Variants in RWDD1 observed in about 807,000 individuals in gnomAD.
RWDD1 encodes the protein RWD domain containing 1.
A neutral mutation model predicts 31.6 loss-of-function variants in RWDD1; 17 were observed. The ratio of observed to expected loss-of-function variants is 0.54; its 90% confidence interval spans 0.37 to 0.81. The LOEUF is 0.81. Ranked by LOEUF, RWDD1 falls within the 30% of genes least tolerant of loss-of-function variation. RWDD1 has a pLI of 0.00. For missense variants in RWDD1, 204 were observed against 274.5 expected (o/e 0.74, Z 1.82); for synonymous variants, 78 against 94.2 (o/e 0.83, Z 0.99).
chr6:116,592,033 A>G (rs1775153465), intron 6 of RWDD1, among the ~76,000 whole-genome samples: 1 of 152,142 alleles, frequency 6.6e-6, no homozygotes, highest in Non-Finnish European at 1.5e-5. Flanking sequence ...TCCTCCTCCT[A>G]GTGCCATTAC....
intron 3 of RWDD1, among the ~76,000 whole-genome samples, chr6:116,587,161 T>C (rs1169166215): frequency 6.6e-6 from 1 of 152,182 alleles, no homozygotes. Context: ...AAAGACACCA[T>C]CCCTGGTCTC....
intron 1 of RWDD1, among the ~76,000 whole-genome samples, chr6:116,573,396 G>A (rs894821979): frequency 3.3e-5 from 5 of 152,132 alleles, no homozygotes; most frequent in Non-Finnish European, 7.4e-5. Context: ...ATCTTTTGAT[G>A]CATTCAGGTA....
At chr6:116,578,684 C>A (rs556550279) in intron 1 of RWDD1, among the ~76,000 whole-genome samples, 1 of 152,232 alleles carries the variant, frequency 6.6e-6, no homozygotes, top group East Asian at 1.9e-4. Flanking sequence ...CATATTATGG[C>A]TCTATTATAA....
At chr6:116,574,432 T>C (rs1035269629) in intron 1 of RWDD1, among the ~76,000 whole-genome samples, 1 of 152,226 alleles carries the variant, frequency 6.6e-6, no homozygotes, top group African/African-American at 2.4e-5. Context: ...TCATACTTTT[T>C]GAAAGGTCAG....
At position 116,588,881 on chromosome 6, in the gene RWDD1, G is replaced by A; in HGVS notation, c.310G>A (p.Val104Met). ...TGGTATGGTGATGATTTTTACTCTA[G>A]TGACAGCTGTGCAAGAAAAATTAAA... is the stretch of plus-strand genomic sequence containing the variant. ...NLGMVMIFTL[V>M]TAVQEKLNEI... Residue 104 changes from valine to methionine, a missense_variant, in exon 4 of 7, where the codon GTG (valine) becomes ATG (methionine). Physicochemically the swap from Val to Met is conservative, Grantham distance 21 (BLOSUM62 1). Coordinates refer to ENST00000466444, the MANE Select transcript of RWDD1 (RefSeq NM_015952.4). 6.5e-7 allele frequency: 1 copy of A among 1,541,930 alleles called. No individual in the cohort carries two copies. The highest frequency in any genetic ancestry group is 8.7e-7 in the Non-Finnish European group (1 of 1,152,724).
chr6:116,595,508 C>T lies in RWDD1; in HGVS notation c.*2407C>T, dbSNP rs1775225812. 1 of 152,112 alleles carries T rather than the reference C, an allele frequency of 6.6e-6. No individual in the cohort carries two copies. The highest frequency in any genetic ancestry group is 2.1e-4 in the South Asian group (1 of 4,824). The allele number at this position is 152,112 out of a possible 1,614,324, so 9.4% of individuals were successfully genotyped here. A position where few individuals can be genotyped will look rare whatever the true frequency, so the allele number is the denominator to read the frequency against. On this transcript the variant is annotated 3_prime_UTR_variant, in exon 7 of 7. Coordinates refer to ENST00000466444, the MANE Select transcript of RWDD1 (RefSeq NM_015952.4). Reference sequence around the variant, plus strand: ...ATAGCATGACGAGTGGTATTTGAAGCAATAATTGTTCCATCTTGGATTATC... The same window carrying T: ...ATAGCATGACGAGTGGTATTTGAAGTAATAATTGTTCCATCTTGGATTATC...
chr6:116,589,089 C>G (rs1775093898), intron 4 of RWDD1, 104 bp downstream of exon 4: 2 of 977,026 alleles, frequency 2.0e-6, no homozygotes, highest in South Asian at 9.0e-5. Flanking sequence ...TTGGAAATCA[C>G]AAAAATAAAT....
At position 116,572,978 on chromosome 6, in the gene RWDD1, T is replaced by C. The variant is rs149524078; in HGVS notation, c.73+1323T>C. On this transcript the variant is annotated intron_variant, in intron 1 of 6. Transcript: ENST00000466444. The stretch of plus-strand genomic sequence containing the variant: ...AGTGAAGAGGGGTTTGAGAGTGTCA[T>C]TAACTGGGTGAGTGTGTATGGAGTC... The C allele has an allele frequency of 5.1e-6, 5 of 985,542 alleles. 1 individual carries two copies. The East Asian group carries it at 5.7e-4, about 112-fold the overall frequency. 61.0% of individuals were successfully genotyped at this position (985,542 alleles called of 1,614,324 possible).
At chr6:116,592,380 T>C (rs17201530) in intron 6 of RWDD1, among the ~76,000 whole-genome samples, 21,410 of 152,230 alleles carry the variant, frequency 0.14, 1,930 homozygotes, top group Middle Eastern at 0.33. Context: ...ATGCCTTTGC[T>C]ATGTCTCCTA....
chr6:116,573,737 T>G (rs1008165558), intron 1 of RWDD1, among the ~76,000 whole-genome samples: 25 of 152,214 alleles, frequency 1.6e-4, no homozygotes, highest in African/African-American at 5.8e-4. Context: ...GAACACTAAA[T>G]GGGAGTTTTG....
At chr6:116,573,316 A>T (rs1251753016) in intron 1 of RWDD1, among the ~76,000 whole-genome samples, 1 of 152,202 alleles carries the variant, frequency 6.6e-6, no homozygotes, top group South Asian at 2.1e-4. Flanking sequence ...ATAGTTCGCT[A>T]TGTGAAATTC....
intron 4 of RWDD1, 79 bp downstream of exon 4, chr6:116,589,064 A>G (rs1017006511): frequency 2.0e-5 from 22 of 1,114,974 alleles, no homozygotes; most frequent in Non-Finnish European, 2.3e-5. Flanking sequence ...TTTTTAATCA[A>G]TAGCAGTATT....
chr6:116,590,511 G>T, intron 5 of RWDD1, 107 bp downstream of exon 5: 4 of 1,353,590 alleles, frequency 3.0e-6, no homozygotes, highest in Non-Finnish European at 3.0e-6. Flanking sequence ...ATATACATAG[G>T]CATCTAGGAC....
chr6:116,571,718 C>A, intron 1 of RWDD1, 63 bp downstream of exon 1: 2 of 1,494,812 alleles, frequency 1.3e-6, no homozygotes. Context: ...CAGGAGCTGC[C>A]GCAGCTCTGG....
In RWDD1 at chr6:116,579,561, T is replaced by A. The variant is rs1286514472; in HGVS notation, c.74-734T>A. On this transcript the variant is annotated intron_variant, in intron 1 of 6. Transcript: ENST00000466444. The stretch of plus-strand genomic sequence containing the variant: ...TCTAGGAGCTCTCATAGAGTTGTTA[T>A]AGCATTCTTGTTGAGGAATAGATGA... Among the ~76,000 whole-genome samples, 3 of 152,360 alleles carry A rather than the reference T, an allele frequency of 2.0e-5. No individual in the cohort carries two copies. In the South Asian group the frequency reaches 6.2e-4, roughly 32 times the overall value.
rs943234643 is a variant in RWDD1, at chr6:116,595,975, G to A, written c.*2874G>A. 3 of 152,212 alleles carry A rather than the reference G, an allele frequency of 2.0e-5. No individual in the cohort carries two copies. Among genetic ancestry groups the A allele is most frequent in the Non-Finnish European group, 4.4e-5 (3 of 68,040 alleles). 9.4% of individuals were successfully genotyped at this position (152,212 alleles called of 1,614,324 possible). On this transcript the variant is annotated 3_prime_UTR_variant, in exon 7 of 7. Coordinates refer to ENST00000466444, the MANE Select transcript of RWDD1 (RefSeq NM_015952.4). ...CATCAATTTAAAGGACAAGTTCACTGATCGTACTGTCATACTCCAGAGATA... is the reference window on the plus strand; with the variant it reads ...CATCAATTTAAAGGACAAGTTCACTAATCGTACTGTCATACTCCAGAGATA...
intron 1 of RWDD1, among the ~76,000 whole-genome samples, chr6:116,577,315 TTTG>T (rs926192968): frequency 6.6e-6 from 1 of 152,080 alleles, no homozygotes; most frequent in African/African-American, 2.4e-5. Flanking sequence ...ATCTCTTGAG[TTTG>T]TTATTATTCC....
At chr6:116,582,307 C>A (rs556180358) in intron 2 of RWDD1, among the ~76,000 whole-genome samples, 58 of 149,640 alleles carry the variant, frequency 3.9e-4, no homozygotes, top group Non-Finnish European at 5.5e-4. Flanking sequence ...TTTTAATATA[C>A]CTGCATGGTG....
intron 1 of RWDD1, among the ~76,000 whole-genome samples, chr6:116,578,230 T>G (rs922922266): frequency 1.3e-5 from 2 of 152,244 alleles, no homozygotes; most frequent in African/African-American, 4.8e-5. Flanking sequence ...TATTTTACAC[T>G]TAACATCTCT....
Sources: gnomAD v4.1 joint callset for allele counts (sites outside exome capture counted in the v4.1 genomes callset) on GRCh38, gnomAD v4.1.1 for gene constraint, MANE v1.5 for transcripts, NCBI Gene and HGNC (gene_info 2026-07-23, HGNC 2026-07-21) for gene names.